CBLB: variants seen among roughly 807,000 people sequenced by gnomAD.
The protein encoded by CBLB is E3 ubiquitin-protein ligase CBL-B.
A neutral mutation model predicts 104.9 loss-of-function variants in CBLB; 31 were observed. That is an observed-to-expected ratio of 0.30 (90% CI 0.22 to 0.40). The LOEUF (loss-of-function observed/expected upper bound fraction) is 0.40, where lower values mean the gene tolerates loss of function less well. Ranked by LOEUF, CBLB falls within the 10% of genes least tolerant of loss-of-function variation. The pLI is 1.00. For missense variants in CBLB, 1,062 were observed against 1,214.6 expected (o/e 0.87, Z 1.87); for synonymous variants, 440 against 422.6 (o/e 1.04, Z -0.51).
chr3:105,754,527 G>GAGAGAGAGAGAGAGAGAGAC (rs2076891202), intron 4 of CBLB, among the ~76,000 whole-genome samples: 1 of 23,432 alleles, frequency 4.3e-5, no homozygotes, highest in African/African-American at 1.1e-4. Context: ...GAGAGACAGA[G>GAGAGAGAGAGAGAGAGAGAC]AGAGAGAGAG....
chr3:105,785,726 T>C (rs762368386), intron 3 of CBLB, among the ~76,000 whole-genome samples: 2 of 152,170 alleles, frequency 1.3e-5, no homozygotes, highest in Non-Finnish European at 2.9e-5. Flanking sequence ...GGTGCTTATG[T>C]CGTGCAATAC....
At chr3:105,701,057 T>C (rs765898184) in intron 12 of CBLB, among the ~76,000 whole-genome samples, 14 of 152,156 alleles carry the variant, frequency 9.2e-5, no homozygotes, top group Non-Finnish European at 1.9e-4. Context: ...ATGGCAAGGA[T>C]CTAATCTCAG....
chr3:105,776,608 G>C, intron 3 of CBLB, 66 bp from the exon 4 acceptor site: 1 of 1,371,580 alleles, frequency 7.3e-7, no homozygotes, highest in Non-Finnish European at 1.0e-6. Flanking sequence ...AATTTTTATG[G>C]TAATATATAT....
chr3:105,805,302 A>ATT (rs1221623767), intron 3 of CBLB, among the ~76,000 whole-genome samples: 20,857 of 138,518 alleles, frequency 0.15, 1,883 homozygotes, highest in Admixed American at 0.25. Flanking sequence ...ATGGCCCCCA[A>ATT]TTTTTTTTTT....
At position 105,825,195 on chromosome 3, in the gene CBLB, T is replaced by C. The variant is rs890021621; in HGVS notation, c.419+28219A>G. 2.2e-4 allele frequency among the ~76,000 whole-genome samples: 33 copies of C among 152,072 alleles called. 1 individual carries two copies. Among genetic ancestry groups the C allele is most frequent in the African/African-American group, 7.2e-4 (30 of 41,400 alleles). The stretch of plus-strand genomic sequence containing the variant: ...ACTGAGAGCCTGTAACATATACTAG[T>C]GGGATGAAAAAAAGAAATCAATCAT... On this transcript the variant is annotated intron_variant, in intron 3 of 18. Coordinates refer to ENST00000394030, the MANE Select transcript of CBLB (RefSeq NM_170662.5).
Position 105,658,192 on chromosome 3 carries a change from C to A in CBLB, c.*778G>T, listed in dbSNP as rs2063471540. ...ATTGTAGATTTTTACAGTTGTGACA[C>A]CCCTGGGATGACAGACATGAGAATA... is the stretch of plus-strand genomic sequence containing the variant. On this transcript the variant is annotated 3_prime_UTR_variant, in exon 19 of 19. Coordinates refer to ENST00000394030, the MANE Select transcript of CBLB (RefSeq NM_170662.5). 4.6e-6 allele frequency: 1 copy of A among 215,572 alleles called. No individual in the cohort carries two copies. Among genetic ancestry groups the A allele is most frequent in the East Asian group, 6.9e-5 (1 of 14,584 alleles). The allele number at this position is 215,572 out of a possible 1,614,324, so 13.4% of individuals were successfully genotyped here.
At chr3:105,856,153 C>T (rs1324348743) in intron 2 of CBLB, among the ~76,000 whole-genome samples, 1 of 151,926 alleles carries the variant, frequency 6.6e-6, no homozygotes, top group African/African-American at 2.4e-5. Context: ...AGTTCGAGAC[C>T]AGCCTGGCCA....
Position 105,775,916 on chromosome 3 carries a change from G to A in CBLB, c.566+480C>T, listed in dbSNP as rs567466829. Among the ~76,000 whole-genome samples, 154 of 152,184 alleles carry A rather than the reference G, an allele frequency of 1.0e-3. 1 individual carries two copies. Among genetic ancestry groups the A allele is most frequent in the African/African-American group, 3.2e-3 (133 of 41,520 alleles). On this transcript the variant is annotated intron_variant, in intron 4 of 18. Transcript: ENST00000394030. ...GGGTGCCAGGGCCTTCTCTCACCTCGATTTCAGACCTTAACCAAGCTTAAC... is the reference window on the plus strand; with the variant it reads ...GGGTGCCAGGGCCTTCTCTCACCTCAATTTCAGACCTTAACCAAGCTTAAC...
At chr3:105,776,596 C>A (rs962253346) in intron 3 of CBLB, 54 bp from the exon 4 acceptor site, 10 of 1,473,392 alleles carry the variant, frequency 6.8e-6, no homozygotes, top group Non-Finnish European at 9.5e-6. Flanking sequence ...TAGATGCATG[C>A]AAATTTTTAT....
chr3:105,804,413 A>G (rs950436378), intron 3 of CBLB, among the ~76,000 whole-genome samples: 3 of 151,760 alleles, frequency 2.0e-5, no homozygotes, highest in Non-Finnish European at 2.9e-5. Context: ...CTTAGCTACT[A>G]GGGAGGCTAG....
At chr3:105,758,275 G>T (rs916464418) in intron 4 of CBLB, among the ~76,000 whole-genome samples, 1 of 152,086 alleles carries the variant, frequency 6.6e-6, no homozygotes, top group Non-Finnish European at 1.5e-5. Flanking sequence ...TGATAGGATG[G>T]CAACCATAGT....
intron 3 of CBLB, among the ~76,000 whole-genome samples, chr3:105,805,084 C>T (rs1048859610): frequency 1.3e-5 from 2 of 152,130 alleles, no homozygotes; most frequent in African/African-American, 4.8e-5. Flanking sequence ...CCACTGCTTC[C>T]AATCTATCAC....
intron 5 of CBLB, among the ~76,000 whole-genome samples, chr3:105,748,079 GGC>G (rs1194328160): frequency 6.3e-4 from 96 of 152,124 alleles, no homozygotes; most frequent in African/African-American, 2.2e-3. Flanking sequence ...GACAACTACT[GGC>G]TTAAAAAAGG....
chr3:105,729,618 T>C (rs2074084335), intron 9 of CBLB, among the ~76,000 whole-genome samples: 1 of 152,134 alleles, frequency 6.6e-6, no homozygotes, highest in Non-Finnish European at 1.5e-5. Context: ...TTTCTCTATA[T>C]ATGTACAAGC....
In CBLB at chr3:105,817,994, T is replaced by C. The variant is rs188522537; in HGVS notation, c.419+35420A>G. Among the ~76,000 whole-genome samples the C allele has an allele frequency of 1.7e-3, 255 of 152,314 alleles. 1 individual carries two copies. The highest frequency in any genetic ancestry group is 4.5e-3 in the African/African-American group (186 of 41,570). On this transcript the variant is annotated intron_variant, in intron 3 of 18. Transcript: ENST00000394030. ...CACTAGTGAAAATAAACAATTTTTT[T>C]CCCAAAAGATGTAATTATATTATCT...
At chr3:105,813,846 T>C (rs1196280976) in intron 3 of CBLB, among the ~76,000 whole-genome samples, 2 of 152,158 alleles carry the variant, frequency 1.3e-5, no homozygotes, top group Non-Finnish European at 2.9e-5. Flanking sequence ...TTGTGACTGT[T>C]TCCTTGTCTT....
chr3:105,729,512 T>A (rs1236907521), intron 9 of CBLB, among the ~76,000 whole-genome samples: 1 of 152,000 alleles, frequency 6.6e-6, no homozygotes, highest in African/African-American at 2.4e-5. Flanking sequence ...ACAAAAACAA[T>A]GTCTTTAAGG....
At chr3:105,791,438 C>CTAAAATAGATCTA (rs1244079228) in intron 3 of CBLB, among the ~76,000 whole-genome samples, 2,659 of 152,268 alleles carry the variant, frequency 0.017, 69 homozygotes, top group African/African-American at 0.06. Flanking sequence ...AGAAATATAT[C>CTAAAATAGATCTA]CTTTATTCAT....
Position 105,704,008 on chromosome 3 carries a change from T to A in CBLB, c.1573A>T (p.Ser525Cys), listed in dbSNP as rs1691359181. 1.2e-6 allele frequency: 2 copies of A among 1,614,022 alleles called. No individual in the cohort carries two copies. The highest frequency in any genetic ancestry group is 8.5e-7 in the Non-Finnish European group (1 of 1,179,968). ...TCTACCTTTGGTGAACCCGTTGGGC[T>A]GCCACAGGGAGATCTAACTATGCCT... ...QKGIVRSPCG[S>C]PTGSPKSSPC... Residue 525 changes from serine (S) to cysteine (C), a missense_variant, in exon 11 of 19, where the codon AGC (serine) becomes TGC (cysteine). Ser to Cys is a moderately radical substitution (Grantham distance 112). This residue lies in a region of CBLB where 605 missense variants were observed against 582.6 expected (regional missense o/e 1.04). Coordinates refer to ENST00000394030, the MANE Select transcript of CBLB (RefSeq NM_170662.5).
Sources: allele counts gnomAD v4.1 joint callset (sites outside exome capture counted in the v4.1 genomes callset), GRCh38; gene constraint gnomAD v4.1.1; regional missense constraint gnomAD v4.1.1; transcripts MANE v1.5; gene names NCBI Gene and HGNC (gene_info 2026-07-23, HGNC 2026-07-21).